RECQL5: variants seen among roughly 807,000 people sequenced by gnomAD.
The protein encoded by RECQL5 is RecQ like helicase 5.
Under a neutral mutation model 103.4 loss-of-function variants are expected in RECQL5, and 88 were observed. The observed-to-expected ratio is 0.85, with a 90% CI of 0.72 to 1.02. The LOEUF (loss-of-function observed/expected upper bound fraction) is 1.02, where lower values mean the gene tolerates loss of function less well. Ranked by LOEUF, RECQL5 falls within the 50% of genes least tolerant of loss-of-function variation. The pLI, the probability that RECQL5 is intolerant of heterozygous loss-of-function variation, is 0.00. For synonymous variants in RECQL5, 552 were observed against 507.9 expected, an observed-to-expected ratio of 1.09 and a Z score of -1.17; for missense variants, 1,232 against 1,284.3, an observed-to-expected ratio of 0.96 and a Z score of 0.62.
intron 17 of RECQL5, 29 bp from the exon 18 acceptor site, chr17:75,628,471 C>T: frequency 6.2e-7 from 1 of 1,604,732 alleles, no homozygotes; most frequent in African/African-American, 1.3e-5. Flanking sequence ...GAGGGTCACT[C>T]CTGAGCTCCC....
Position 75,665,097 on chromosome 17 carries a change from G to A in RECQL5, c.206C>T (p.Ala69Val). 1 of 1,612,416 alleles carries A rather than the reference G, an allele frequency of 6.2e-7. No individual in the cohort carries two copies. The highest frequency in any genetic ancestry group is 1.1e-5 in the South Asian group (1 of 90,740). ...SLCYQLPALL[A>V]KGITIVVSPL... ...AGAGACTACAATGGTGATGCCTTTG[G>A]CCAACAGAGCAGGGAGCTGATAGCA... Residue 69 changes from alanine (A) to valine (V), a missense_variant, in exon 3 of 20, where the codon GCC becomes GTC. Physicochemically the swap from Ala to Val is moderately conservative, Grantham distance 64. Coordinates refer to ENST00000317905, the MANE Select transcript of RECQL5 (RefSeq NM_004259.7).
At position 75,630,843 on chromosome 17, in the gene RECQL5, G is replaced by GTT. The variant is rs1555706003; in HGVS notation, c.1586-7_1586-6insAA. ...TTTCAGGGGACAGTTCTCATCTGTG[G>GTT]GGGGGGGGGGTGGTCCTTGGTCCTT... On this transcript the variant is annotated splice_region_variant and splice_polypyrimidine_tract_variant and intron_variant, in intron 11 of 19. Transcript: ENST00000317905. 65 of 1,311,208 alleles carry GTT rather than the reference G, an allele frequency of 5.0e-5. 1 individual carries two copies. The highest frequency in any genetic ancestry group is 6.3e-5 in the Non-Finnish European group (62 of 985,674). 81.2% of individuals were successfully genotyped at this position (1,311,208 alleles called of 1,614,324 possible).
Position 75,659,808 on chromosome 17 carries a change from C to T in RECQL5, c.986+1147G>A, listed in dbSNP as rs184841679. On this transcript the variant is annotated intron_variant, in intron 6 of 19. Transcript: ENST00000317905. ...AATCATACAAGGTATTATTATTTGT[C>T]GTTAATCAGACCAAAGGGCTTCAGG... Among the ~76,000 whole-genome samples, 6 of 152,262 alleles carry T rather than the reference C, an allele frequency of 3.9e-5. No individual in the cohort carries two copies. The East Asian group carries it at 1.2e-3, about 29-fold the overall frequency.
In RECQL5 at chr17:75,633,636, T is replaced by C. The variant is rs1210962699; in HGVS notation, c.1230-1968A>G. On this transcript the variant is annotated intron_variant, in intron 8 of 19. Transcript: ENST00000317905. ...GCCACCAGCTCCCCACTGTTTACTG[T>C]TGTTCCTGAGAGAGGCCAGAGGGAG... is the stretch of plus-strand genomic sequence containing the variant. 39 of 1,189,350 alleles carry C rather than the reference T, an allele frequency of 3.3e-5. 1 individual carries two copies. Among genetic ancestry groups the C allele is most frequent in the Non-Finnish European group, 3.4e-5 (32 of 939,990 alleles). 73.7% of individuals were successfully genotyped at this position (1,189,350 alleles called of 1,614,324 possible). A position where few individuals can be genotyped will look rare whatever the true frequency, so the allele number is the denominator to read the frequency against.
chr17:75,631,206 C>G lies in RECQL5; in HGVS notation c.1492G>C (p.Glu498Gln). 1 of 1,613,988 alleles carries G rather than the reference C, an allele frequency of 6.2e-7. No individual in the cohort carries two copies. Among genetic ancestry groups the G allele is most frequent in the East Asian group, 2.2e-5 (1 of 44,888 alleles). Residue 498 changes from glutamate (E) to glutamine (Q), a missense_variant, in exon 10 of 20, where the codon GAG (glutamate) becomes CAG (glutamine). Glu to Gln is a conservative substitution (Grantham distance 29). Transcript: ENST00000317905. Reference sequence around the variant, plus strand: ...AGGTTCCACTCCCGCTTGTGGGCCTCATCTCTGCCTTCATCCCCGCTGCCT... The same window carrying G: ...AGGTTCCACTCCCGCTTGTGGGCCTGATCTCTGCCTTCATCCCCGCTGCCT... The part of the protein sequence containing the change: ...SGGSGDEGRD[E>Q]AHKREWNLFY...
In RECQL5 at chr17:75,628,301, G is replaced by A; in HGVS notation, c.2722C>T (p.Pro908Ser). ...TAQDPFQLSA[P>S]GVSLKEAANV... ...GCAGCCTCCTTCAAGGAGACGCCAG[G>A]AGCGGAGAGCTGGAAGGGGTCTTGA... The change falls in exon 18 of 20, where the codon CCT (proline) becomes TCT (serine). Residue 908 changes from proline to serine, a missense_variant. Pro to Ser is a moderately conservative substitution (Grantham distance 74). Transcript: ENST00000317905. 1 of 1,614,184 alleles carries A rather than the reference G, an allele frequency of 6.2e-7. No individual in the cohort carries two copies. The highest frequency in any genetic ancestry group is 8.5e-7 in the Non-Finnish European group (1 of 1,180,032).
At chr17:75,666,346 A>G (rs1441711237) in intron 2 of RECQL5, 82 bp downstream of exon 2, 12 of 1,492,760 alleles carry the variant, frequency 8.0e-6, no homozygotes, top group Non-Finnish European at 8.3e-6. Context: ...AGGCAGTACG[A>G]AGGGTGAGGA....
At chr17:75,635,730 G>T in intron 8 of RECQL5, 2 of 937,720 alleles carry the variant, frequency 2.1e-6, no homozygotes, top group Non-Finnish European at 2.5e-6. Context: ...CAGGGCAAGG[G>T]TGACTAAAAC....
chr17:75,627,958 G>A (rs1325562125), intron 18 of RECQL5, among the ~76,000 whole-genome samples: 3 of 151,460 alleles, frequency 2.0e-5, no homozygotes, highest in African/African-American at 7.3e-5. Context: ...GGCGGAGGTT[G>A]CAGTGAGCTG....
At chr17:75,643,398 C>T (rs1402087972) in intron 8 of RECQL5, among the ~76,000 whole-genome samples, 4 of 152,240 alleles carry the variant, frequency 2.6e-5, no homozygotes, top group African/African-American at 9.6e-5. Flanking sequence ...CTAGGGCAGG[C>T]GGTGAACAAC....
At chr17:75,630,554 G>C in intron 13 of RECQL5, 65 bp downstream of exon 13, 1 of 1,543,492 alleles carries the variant, frequency 6.5e-7, no homozygotes. Flanking sequence ...GGTTGACAGG[G>C]TCCTGCAGTC....
chr17:75,628,116 T>TA, intron 18 of RECQL5, 102 bp downstream of exon 18: 1 of 1,046,548 alleles, frequency 9.6e-7, no homozygotes, highest in Admixed American at 1.9e-5. Context: ...GGGCTGGCCC[T>TA]AGGCCCACTG....
intron 8 of RECQL5, chr17:75,639,227 C>G (rs572953582): frequency 6.6e-6 from 1 of 152,490 alleles, no homozygotes; most frequent in East Asian, 1.9e-4. Context: ...TAATTACAGC[C>G]AAAGGTCTGG....
intron 7 of RECQL5, 130 bp from the exon 8 acceptor site, chr17:75,651,395 G>A: frequency 9.6e-7 from 1 of 1,039,562 alleles, no homozygotes; most frequent in South Asian, 1.3e-5. Flanking sequence ...GCTGAGCCAG[G>A]AGGATCATTT....
chr17:75,648,995 G>A (rs1014847185), intron 8 of RECQL5: 1 of 152,120 alleles, frequency 6.6e-6, no homozygotes, highest in African/African-American at 2.4e-5. Context: ...GGCCGGCTCT[G>A]GGACGGGGCT....
chr17:75,644,959 G>T (rs952522061), intron 8 of RECQL5, among the ~76,000 whole-genome samples: 2 of 152,218 alleles, frequency 1.3e-5, no homozygotes, highest in Non-Finnish European at 2.9e-5. Context: ...ACATTAAATG[G>T]AAACATACAC....
chr17:75,664,635 G>A lies in RECQL5; in HGVS notation c.252+416C>T, dbSNP rs558617465. On this transcript the variant is annotated intron_variant, in intron 3 of 19. Transcript: ENST00000317905. ...ATCATAGAAAATAAGAGGCAGGGGC[G>A]GGTGTGGTGGCTCACACCTGTAATC... Among the ~76,000 whole-genome samples the A allele has an allele frequency of 1.2e-4, 18 of 152,202 alleles. No individual in the cohort carries two copies. The East Asian group carries it at 1.9e-3, about 16-fold the overall frequency.
chr17:75,641,754 C>T (rs2059438109), intron 8 of RECQL5, among the ~76,000 whole-genome samples: 2 of 152,216 alleles, frequency 1.3e-5, no homozygotes, highest in Non-Finnish European at 2.9e-5. Context: ...CAGACTCAGA[C>T]CAGTGGGTCT....
Position 75,629,569 on chromosome 17 carries a change from T to C in RECQL5, c.1948-94A>G, listed in dbSNP as rs967157512. 5.3e-6 allele frequency: 8 copies of C among 1,501,350 alleles called. No homozygotes were observed. The African/African-American group carries it at 1.1e-4, about 21-fold the overall frequency. The allele number at this position is 1,501,350 out of a possible 1,614,324, so 93.0% of individuals were successfully genotyped here. On this transcript the variant is annotated intron_variant, in intron 15 of 19. Coordinates refer to ENST00000317905, the MANE Select transcript of RECQL5 (RefSeq NM_004259.7). The stretch of plus-strand genomic sequence containing the variant: ...GCAGTAACTCACATTGGGACGGGGC[T>C]CTCAGGAGTGTGGGAGGGAAGAGGC...
Sources: allele counts gnomAD v4.1 joint callset (sites outside exome capture counted in the v4.1 genomes callset), GRCh38; gene constraint gnomAD v4.1.1; transcripts MANE v1.5; gene names NCBI Gene and HGNC (gene_info 2026-07-23, HGNC 2026-07-21).